The following MCPH1 variants were observed in gnomAD, a reference collection of about 807,000 sequenced individuals.
MCPH1 encodes microcephalin 1.
A neutral mutation model predicts 84.5 loss-of-function variants in MCPH1; 104 were observed. The observed-to-expected ratio is 1.23, with a 90% confidence interval of 1.05 to 1.45. The LOEUF is 1.45. Ranked by LOEUF, MCPH1 falls within the 40% of genes most tolerant of loss-of-function variation. The pLI is 0.00. For missense variants in MCPH1, 1,498 were observed against 1,005.7 expected (o/e 1.49, Z -6.62); for synonymous variants, 514 against 366.8 (o/e 1.40, Z -4.58).
In MCPH1 at chr8:6,621,438, T is replaced by C; in HGVS notation, c.2215-16T>C. ...GTGGTCCCACCTCTGTAATTCTATC[T>C]CTGTCTGCCCCACAGCTGTGCCGAA... is the stretch of plus-strand genomic sequence containing the variant. On this transcript the variant is annotated splice_polypyrimidine_tract_variant and intron_variant, in intron 12 of 13. Transcript: ENST00000344683. 1.9e-6 allele frequency: 3 copies of C among 1,613,658 alleles called. No individual in the cohort carries two copies. The highest frequency in any genetic ancestry group is 2.5e-6 in the Non-Finnish European group (3 of 1,179,858).
intron 9 of MCPH1, among the ~76,000 whole-genome samples, chr8:6,468,833 A>G (rs543340439): frequency 1.4e-3 from 210 of 152,252 alleles, no homozygotes; most frequent in Non-Finnish European, 2.7e-3. Flanking sequence ...TGAGTAAAAA[A>G]CAGTCCACAT....
chr8:6,501,539 ATTTTC>A (rs1812176511), intron 12 of MCPH1: 1 of 149,092 alleles, frequency 6.7e-6, no homozygotes, highest in African/African-American at 2.5e-5. Flanking sequence ...GTGTTCTCAA[ATTTTC>A]TTTTCTTTCT....
At position 6,647,996 on chromosome 8, in the gene MCPH1, G is replaced by C. The variant is rs1306223498; in HGVS notation, c.*4947G>C. ...GGCAATAGCTCTCAGATCTCCCTTA[G>C]AGAAAGAACTTTCTCTTCCACAGCA... On this transcript the variant is annotated 3_prime_UTR_variant, in exon 14 of 14. Coordinates refer to ENST00000344683, the MANE Select transcript of MCPH1 (RefSeq NM_024596.5). 2 of 152,182 alleles carry C rather than the reference G, an allele frequency of 1.3e-5. No homozygotes were observed. Among genetic ancestry groups the C allele is most frequent in the Non-Finnish European group, 1.5e-5 (1 of 68,032 alleles). 9.4% of individuals were successfully genotyped at this position (152,182 alleles called of 1,614,324 possible).
At chr8:6,447,096 TACAG>T in intron 8 of MCPH1, 1 of 985,444 alleles carries the variant, frequency 1.0e-6, no homozygotes, top group African/African-American at 1.7e-5. Context: ...TTCATGCCAT[TACAG>T]ACAGACGGGA....
At position 6,540,830 on chromosome 8, in the gene MCPH1, C is replaced by T. The variant is rs558155178; in HGVS notation, c.2214+40901C>T. On this transcript the variant is annotated intron_variant, in intron 12 of 13. Transcript: ENST00000344683. ...GAACAGGCGCGGGAGGCAGGGGCGC[C>T]GCAGGGTGGTTCGCACACGTGGACT... is the stretch of plus-strand genomic sequence containing the variant. 1.1e-4 allele frequency among the ~76,000 whole-genome samples: 16 copies of T among 152,364 alleles called. No individual in the cohort carries two copies. In the South Asian group the frequency reaches 2.9e-3, roughly 28 times the overall value.
chr8:6,592,801 C>A (rs1182070249), intron 12 of MCPH1, among the ~76,000 whole-genome samples: 1 of 147,952 alleles, frequency 6.8e-6, no homozygotes, highest in African/African-American at 2.5e-5. Context: ...ACCACAAGCA[C>A]GTGCCACCAC....
At chr8:6,426,227 C>T (rs565493897) in intron 3 of MCPH1, among the ~76,000 whole-genome samples, 2 of 152,056 alleles carry the variant, frequency 1.3e-5, no homozygotes, top group African/African-American at 4.8e-5. Context: ...ATAAAATGGA[C>T]CCATTTTAAG....
In MCPH1 at chr8:6,621,551, C is replaced by G. The variant is rs1039322742; in HGVS notation, c.2312C>G (p.Pro771Arg). Reference protein sequence around the residue: ...AMFVSPASSPPVAKLCELVHL... With the variant: ...AMFVSPASSPRVAKLCELVHL... The stretch of plus-strand genomic sequence containing the variant: ...TTTGTCTCGCCTGCCAGCAGCCCCC[C>G]AGTGGCCAAGCTCTGTGAACTAGTC... Residue 771 changes from proline to arginine, a missense_variant, in exon 13 of 14, where the codon CCA becomes CGA. By Grantham distance (103) the Pro-to-Arg change is moderately radical. Coordinates refer to ENST00000344683, the MANE Select transcript of MCPH1 (RefSeq NM_024596.5). The G allele has an allele frequency of 6.2e-6, 10 of 1,614,090 alleles. No individual in the cohort carries two copies. Among genetic ancestry groups the G allele is most frequent in the African/African-American group, 2.7e-5 (2 of 74,946 alleles).
intron 13 of MCPH1, among the ~76,000 whole-genome samples, chr8:6,637,856 G>A (rs1160815630): frequency 1.3e-5 from 2 of 152,144 alleles, no homozygotes; most frequent in Admixed American, 6.6e-5. Context: ...GGGACGTATC[G>A]ATGGAGGTGT....
At chr8:6,487,251 A>T (rs979990853) in intron 11 of MCPH1, among the ~76,000 whole-genome samples, 5 of 152,246 alleles carry the variant, frequency 3.3e-5, no homozygotes. Context: ...ATCAAAAATG[A>T]TTTCATGATG....
At chr8:6,475,787 A>G (rs1372262953) in intron 9 of MCPH1, among the ~76,000 whole-genome samples, 1 of 152,154 alleles carries the variant, frequency 6.6e-6, no homozygotes, top group Non-Finnish European at 1.5e-5. Context: ...ACAGGCAGCC[A>G]TGAGTTTCAG....
chr8:6,554,489 A>G (rs1824240632), intron 12 of MCPH1, among the ~76,000 whole-genome samples: 1 of 152,148 alleles, frequency 6.6e-6, no homozygotes, highest in Non-Finnish European at 1.5e-5. Context: ...TTAGTATCTC[A>G]TCTCTTTAAA....
At chr8:6,623,933 T>C (rs1831776296) in intron 13 of MCPH1, among the ~76,000 whole-genome samples, 1 of 152,326 alleles carries the variant, frequency 6.6e-6, no homozygotes, top group South Asian at 2.1e-4. Context: ...ACGATTGATA[T>C]CCACAGTGCA....
At chr8:6,593,142 G>A (rs1347179080) in intron 12 of MCPH1, among the ~76,000 whole-genome samples, 4 of 140,534 alleles carry the variant, frequency 2.8e-5, no homozygotes, top group Admixed American at 7.4e-5. Context: ...GCAGTGCAAT[G>A]GCACAATCTT....
chr8:6,485,283 C>G (rs1809745402), intron 11 of MCPH1, among the ~76,000 whole-genome samples: 1 of 152,002 alleles, frequency 6.6e-6, no homozygotes, highest in East Asian at 1.9e-4. Flanking sequence ...CGAGATCACG[C>G]CACTGCACTC....
intron 12 of MCPH1, among the ~76,000 whole-genome samples, chr8:6,582,323 T>C (rs1827624373): frequency 6.6e-6 from 1 of 152,224 alleles, no homozygotes; most frequent in Non-Finnish European, 1.5e-5. Context: ...TCAATCCTCA[T>C]AGTAACTCTT....
chr8:6,555,135 C>A (rs1824364165), intron 12 of MCPH1, among the ~76,000 whole-genome samples: 1 of 152,034 alleles, frequency 6.6e-6, no homozygotes, highest in Non-Finnish European at 1.5e-5. Context: ...TTATTTACAT[C>A]AAATCATTCA....
intron 3 of MCPH1, among the ~76,000 whole-genome samples, chr8:6,425,787 G>T (rs1800974558): frequency 1.3e-5 from 2 of 152,208 alleles, no homozygotes. Flanking sequence ...GGAGGCAATG[G>T]TAGTGGCTTT....
chr8:6,532,251 T>A, intron 12 of MCPH1: 1 of 1,536,154 alleles, frequency 6.5e-7, no homozygotes. Flanking sequence ...TTCTCATGCC[T>A]TCATTGAGGA....
Sources: gnomAD v4.1 joint callset for allele counts (sites outside exome capture counted in the v4.1 genomes callset) on GRCh38, gnomAD v4.1.1 for gene constraint, MANE v1.5 for transcripts, NCBI Gene and HGNC (gene_info 2026-07-23, HGNC 2026-07-21) for gene names.